The following CRYBG1 variants were observed in gnomAD, a reference collection of about 807,000 sequenced individuals.
The protein encoded by CRYBG1 is beta/gamma crystallin domain-containing protein 1.
Under a neutral mutation model 189.2 loss-of-function variants are expected in CRYBG1, and 139 were observed. The ratio of observed to expected loss-of-function variants is 0.73; its 90% CI spans 0.64 to 0.85. The LOEUF (loss-of-function observed/expected upper bound fraction) is 0.85. CRYBG1 is among the 40% of genes least tolerant of loss of function. The pLI, the probability that CRYBG1 is intolerant of heterozygous loss-of-function variation, is 0.00. For synonymous variants in CRYBG1, 1,023 were observed against 1,017.1 expected, an observed-to-expected ratio of 1.01 and a Z score of -0.11; for missense variants, 2,611 against 2,675.8, an observed-to-expected ratio of 0.98 and a Z score of 0.53.
chr6:106,376,540 G>A lies in CRYBG1; in HGVS notation c.173+15459G>A, dbSNP rs560340551. On this transcript the variant is annotated intron_variant, in intron 1 of 21. Transcript: ENST00000633556. ...CAGGCTGGAGTTAGGTAATGGTTTT[G>A]TTACTTCGCAGAAGGCCACAGGTTC... Among the ~76,000 whole-genome samples, 5 of 152,292 alleles carry A rather than the reference G, an allele frequency of 3.3e-5. No homozygotes were observed. In the South Asian group the frequency reaches 1.0e-3, roughly 32 times the overall value.
At chr6:106,549,943 A>G (rs1002460631) in intron 13 of CRYBG1, among the ~76,000 whole-genome samples, 1 of 152,204 alleles carries the variant, frequency 6.6e-6, no homozygotes, top group African/African-American at 2.4e-5. Flanking sequence ...AATGAAAGGG[A>G]ACTTTCCAGG....
intron 2 of CRYBG1, among the ~76,000 whole-genome samples, chr6:106,488,510 G>T (rs9373873): frequency 0.12 from 18,701 of 152,220 alleles, 1,329 homozygotes; most frequent in East Asian, 0.27. Flanking sequence ...GCAGGCACAT[G>T]TGGGTAGCTG....
Position 106,412,894 on chromosome 6 carries a change from A to G in CRYBG1, c.174-38800A>G, listed in dbSNP as rs184475179. ...CAGCAGAAAGTAAATTGAACATTGG[A>G]CATGGTTACCCAGGCATCTGTCAGT... On this transcript the variant is annotated intron_variant, in intron 1 of 21. Transcript: ENST00000633556. 1.1e-3 allele frequency among the ~76,000 whole-genome samples: 171 copies of G among 151,556 alleles called. 1 individual carries two copies. Among genetic ancestry groups the G allele is most frequent in the African/African-American group, 2.6e-3 (108 of 41,280 alleles).
Position 106,520,051 on chromosome 6 carries a change from A to T in CRYBG1, c.2843A>T (p.Glu948Val). Residue 948 changes from glutamate (E) to valine (V), a missense_variant, in exon 4 of 22, where the codon GAG becomes GTG. Glu to Val is a moderately radical substitution (Grantham distance 121, BLOSUM62 -2). Around this residue, in one of 3 missense-constraint regions of CRYBG1, gnomAD observed 1,622 missense variants for 1,735.0 expected, o/e 0.93. Transcript: ENST00000633556. ...TERSPEAVGS[E>V]CPSRVLVQVR... ...CGTAGTCCAGAAGCTGTGGGAAGTGAGTGTCCATCCAGAGTCCTCGTCCAG... is the reference window on the plus strand; with the variant it reads ...CGTAGTCCAGAAGCTGTGGGAAGTGTGTGTCCATCCAGAGTCCTCGTCCAG... 1 of 1,614,136 alleles carries T rather than the reference A, an allele frequency of 6.2e-7. No homozygotes were observed. The highest frequency in any genetic ancestry group is 8.5e-7 in the Non-Finnish European group (1 of 1,179,994).
At chr6:106,451,529 T>C (rs1184681595) in intron 1 of CRYBG1, 165 bp from the exon 2 acceptor site, 7 of 607,032 alleles carry the variant, frequency 1.2e-5, no homozygotes, top group Admixed American at 7.3e-5. Context: ...AAATGTGCTA[T>C]GAGAGCGCCA....
At chr6:106,471,078 G>A (rs980384626) in intron 2 of CRYBG1, among the ~76,000 whole-genome samples, 14 of 152,188 alleles carry the variant, frequency 9.2e-5, no homozygotes, top group Admixed American at 1.3e-4. Context: ...CATGAAAGGA[G>A]ACTGCTGTCT....
intron 1 of CRYBG1, among the ~76,000 whole-genome samples, chr6:106,378,498 C>G (rs1490700855): frequency 1.3e-5 from 2 of 152,208 alleles, no homozygotes; most frequent in African/African-American, 4.8e-5. Context: ...CCTAGACACA[C>G]ATACCCATAT....
In CRYBG1 at chr6:106,564,021, T is replaced by C. The variant is rs1042125659; in HGVS notation, c.6301+95T>C. 4 of 1,295,416 alleles carry C rather than the reference T, an allele frequency of 3.1e-6. No homozygotes were observed. In the Admixed American group the frequency reaches 7.4e-5, roughly 24 times the overall value. The allele number at this position is 1,295,416 out of a possible 1,614,324, so 80.2% of individuals were successfully genotyped here. On this transcript the variant is annotated intron_variant, in intron 21 of 21. Coordinates refer to ENST00000633556, the MANE Select transcript of CRYBG1 (RefSeq NM_001371242.2). ...TAACTTTTGAAAATGATGAATGTAT[T>C]ATTAGTAGTAACAGTAAGAGAGCCC...
At chr6:106,515,744 G>C (rs970685656) in intron 3 of CRYBG1, among the ~76,000 whole-genome samples, 2 of 151,370 alleles carry the variant, frequency 1.3e-5, no homozygotes, top group African/African-American at 2.4e-5. Context: ...AGAAATTTAT[G>C]AGCAGAGATC....
intron 1 of CRYBG1, among the ~76,000 whole-genome samples, chr6:106,409,406 A>G (rs28878807): frequency 6.6e-6 from 1 of 152,252 alleles, no homozygotes; most frequent in Non-Finnish European, 1.5e-5. Flanking sequence ...TTCCACGCTC[A>G]TGGATAGGAA....
chr6:106,495,847 C>G (rs2114500682), intron 2 of CRYBG1, among the ~76,000 whole-genome samples: 1 of 149,988 alleles, frequency 6.7e-6, no homozygotes, highest in Admixed American at 6.6e-5. Context: ...ACAACTTTCC[C>G]CCCTGCCCCC....
chr6:106,413,027 A>G (rs1770958761), intron 1 of CRYBG1, among the ~76,000 whole-genome samples: 2 of 151,592 alleles, frequency 1.3e-5, no homozygotes, highest in African/African-American at 4.8e-5. Flanking sequence ...GACTGGGTCC[A>G]GAGGTTCATT....
intron 1 of CRYBG1, among the ~76,000 whole-genome samples, chr6:106,383,430 A>G (rs1770325174): frequency 6.6e-6 from 1 of 152,244 alleles, no homozygotes; most frequent in Admixed American, 6.5e-5. Flanking sequence ...TTTAATGTTC[A>G]TAAATGCATG....
At chr6:106,387,086 A>T (rs1770406399) in intron 1 of CRYBG1, among the ~76,000 whole-genome samples, 1 of 152,248 alleles carries the variant, frequency 6.6e-6, no homozygotes. Flanking sequence ...ATTTAAAAGT[A>T]TAGTAAAACA....
Position 106,444,712 on chromosome 6 carries a change from T to C in CRYBG1, c.174-6982T>C, listed in dbSNP as rs150011218. 1.2e-3 allele frequency among the ~76,000 whole-genome samples: 177 copies of C among 152,348 alleles called. 1 individual carries two copies. The highest frequency in any genetic ancestry group is 3.7e-3 in the African/African-American group (152 of 41,586). ...CACCCAAAGCCTCGATTTCACAAGA[T>C]AGAAGTATTAAGGCAAACATTTCCA... On this transcript the variant is annotated intron_variant, in intron 1 of 21. Coordinates refer to ENST00000633556, the MANE Select transcript of CRYBG1 (RefSeq NM_001371242.2).
intron 15 of CRYBG1, 29 bp downstream of exon 15, chr6:106,552,245 A>G: frequency 7.1e-7 from 1 of 1,405,184 alleles, no homozygotes; most frequent in Non-Finnish European, 9.7e-7. Context: ...TTTTATATTA[A>G]TATATAAAGG....
At chr6:106,517,391 T>TATACACAC (rs1773457287) in intron 3 of CRYBG1, among the ~76,000 whole-genome samples, 1 of 14,726 alleles carries the variant, frequency 6.8e-5, no homozygotes, top group Non-Finnish European at 2.8e-4. Context: ...TATACACACA[T>TATACACAC]ATATATATAT....
chr6:106,408,899 A>G (rs1403547464), intron 1 of CRYBG1, among the ~76,000 whole-genome samples: 1 of 152,170 alleles, frequency 6.6e-6, no homozygotes, highest in Non-Finnish European at 1.5e-5. Flanking sequence ...ATTTATGACA[A>G]ACCCACAGCC....
intron 1 of CRYBG1, among the ~76,000 whole-genome samples, chr6:106,431,512 A>G (rs1771326302): frequency 6.6e-6 from 1 of 152,220 alleles, no homozygotes; most frequent in Non-Finnish European, 1.5e-5. Flanking sequence ...TTGAAAAAAA[A>G]ATAAGATGAG....
Sources: gnomAD v4.1 joint callset for allele counts (sites outside exome capture counted in the v4.1 genomes callset) on GRCh38, gnomAD v4.1.1 for gene constraint, gnomAD v4.1.1 regional missense constraint, MANE v1.5 for transcripts, NCBI Gene and HGNC (gene_info 2026-07-23, HGNC 2026-07-21) for gene names.